Variants in MMEL1 observed in about 807,000 individuals in gnomAD.
MMEL1 encodes the protein membrane metalloendopeptidase like 1, also known as membrane metallo-endopeptidase-like 1.
Under a neutral mutation model 117.1 loss-of-function variants are expected in MMEL1, and 98 were observed. The observed-to-expected ratio is 0.84, with a 90% CI of 0.71 to 0.99. The LOEUF (loss-of-function observed/expected upper bound fraction) is 0.99, where lower values mean the gene tolerates loss of function less well. MMEL1 is among the 50% of genes least tolerant of loss of function. The probability of loss-of-function intolerance (pLI) is 0.00; values close to 1 mark genes in which losing one functional copy is unlikely to be tolerated. For synonymous variants in MMEL1, 390 were observed against 415.1 expected (o/e 0.94, Z 0.74); for missense variants, 1,014 against 1,049.1 (o/e 0.97, Z 0.46).
chr1:2,591,164 TA>T, intron 23 of MMEL1, 75 bp from the exon 24 acceptor site: 1 of 1,068,242 alleles, frequency 9.4e-7, no homozygotes, highest in Non-Finnish European at 1.3e-6. Flanking sequence ...TCTCCGTGAT[TA>T]AAAACCAGCC....
At chr1:2,620,221 T>G (rs10797441) in intron 2 of MMEL1, among the ~76,000 whole-genome samples, 59,715 of 151,960 alleles carry the variant, frequency 0.39, 12,384 homozygotes, top group East Asian at 0.51. Context: ...CTGACTGTAC[T>G]TTTCTCTGAA....
At chr1:2,617,629 C>T (rs1284631001) in intron 2 of MMEL1, among the ~76,000 whole-genome samples, 1 of 152,132 alleles carries the variant, frequency 6.6e-6, no homozygotes, top group African/African-American at 2.4e-5. Context: ...GGTTCCTCAT[C>T]TCTACTTTTC....
intron 2 of MMEL1, among the ~76,000 whole-genome samples, chr1:2,626,615 A>G (rs1638297021): frequency 6.6e-6 from 1 of 152,286 alleles, no homozygotes; most frequent in Non-Finnish European, 1.5e-5. Context: ...CAACCCCTGT[A>G]CTAGAAAATG....
intron 9 of MMEL1, 109 bp downstream of exon 9, chr1:2,605,445 GCTCA>G: frequency 4.5e-6 from 4 of 890,928 alleles, no homozygotes; most frequent in African/African-American, 3.3e-5. Context: ...CTCCACAGGT[GCTCA>G]CTAACACCAG....
At chr1:2,609,960 A>G in intron 4 of MMEL1, 129 bp from the exon 5 acceptor site, 1 of 1,022,806 alleles carries the variant, frequency 9.8e-7, no homozygotes, top group East Asian at 2.5e-5. Flanking sequence ...ATCCAGTCGC[A>G]GCTGTGTGCC....
At chr1:2,615,640 T>C (rs1025217920) in intron 2 of MMEL1, among the ~76,000 whole-genome samples, 4 of 152,288 alleles carry the variant, frequency 2.6e-5, no homozygotes, top group African/African-American at 9.6e-5. Context: ...GTTCACTACT[T>C]GTGGCAAATG....
intron 14 of MMEL1, 146 bp downstream of exon 14, chr1:2,596,414 TG>T: frequency 1.7e-6 from 2 of 1,165,450 alleles, no homozygotes; most frequent in Non-Finnish European, 2.4e-6. Flanking sequence ...GGGCATGGGG[TG>T]GGCACGGCTT....
chr1:2,606,464 G>T lies in MMEL1; in HGVS notation c.632-98C>A, dbSNP rs903485317. ...TGGCCTCCGGAGCCAGGAACTAGGG[G>T]GCCATAGGGTGGGGAGCTCACCTGT... On this transcript the variant is annotated intron_variant, in intron 7 of 23. Transcript: ENST00000378412. 23 of 864,538 alleles carry T rather than the reference G, an allele frequency of 2.7e-5. No individual in the cohort carries two copies. The African/African-American group carries it at 3.3e-4, about 13-fold the overall frequency. The allele number at this position is 864,538 out of a possible 1,614,324, so 53.6% of individuals were successfully genotyped here.
rs1553146167 is a variant in MMEL1 at position 2,624,572 on chromosome 1, T to C, written c.154+4759A>G. On this transcript the variant is annotated intron_variant, in intron 2 of 23. Transcript: ENST00000378412. ...ACTATTCATGAGGCTCCTGATTTTATGTTTTGACAAATATTGGAGTCTGCA... is the reference window on the plus strand; with the variant it reads ...ACTATTCATGAGGCTCCTGATTTTACGTTTTGACAAATATTGGAGTCTGCA... Among the ~76,000 whole-genome samples, 340 of 152,368 alleles carry C rather than the reference T, an allele frequency of 2.2e-3. 2 individuals are homozygous for C. Among genetic ancestry groups the C allele is most frequent in the African/African-American group, 7.8e-3 (324 of 41,580 alleles).
intron 19 of MMEL1, 106 bp downstream of exon 19, chr1:2,593,708 C>T: frequency 7.1e-7 from 1 of 1,405,080 alleles, no homozygotes; most frequent in East Asian, 2.6e-5. Flanking sequence ...CCTCGGTGTC[C>T]CCACTGAAAC....
At chr1:2,613,937 C>A (rs1302643117) in intron 2 of MMEL1, among the ~76,000 whole-genome samples, 1 of 152,098 alleles carries the variant, frequency 6.6e-6, no homozygotes, top group East Asian at 1.9e-4. Context: ...TCTGGAAAAA[C>A]AAAACTTTAG....
At chr1:2,602,768 A>C (rs1287876436) in intron 11 of MMEL1, among the ~76,000 whole-genome samples, 1 of 152,116 alleles carries the variant, frequency 6.6e-6, no homozygotes, top group Admixed American at 6.5e-5. Flanking sequence ...TCCCTGCCCC[A>C]GACTCTTGGG....
intron 2 of MMEL1, among the ~76,000 whole-genome samples, chr1:2,618,153 G>A (rs1645233629): frequency 6.6e-6 from 1 of 152,196 alleles, no homozygotes; most frequent in Non-Finnish European, 1.5e-5. Context: ...GATACCCAAT[G>A]TTGGGGGTGG....
At position 2,595,698 on chromosome 1, in the gene MMEL1, T is replaced by G. The variant is rs1644824992; in HGVS notation, c.1500+311A>C. Among the ~76,000 whole-genome samples, 1 of 152,114 alleles carries G rather than the reference T, an allele frequency of 6.6e-6. No individual in the cohort carries two copies. Among genetic ancestry groups the G allele is most frequent in the East Asian group, 1.9e-4 (1 of 5,158 alleles). ...AGGAGCTTCTGGTGGGTCTGACCCTTGCTCCCGAGGCCACCGCTACCCCCG... is the reference window on the plus strand; with the variant it reads ...AGGAGCTTCTGGTGGGTCTGACCCTGGCTCCCGAGGCCACCGCTACCCCCG... On this transcript the variant is annotated intron_variant, in intron 15 of 23. Coordinates refer to ENST00000378412, the MANE Select transcript of MMEL1 (RefSeq NM_033467.4). The surrounding 1 kb of genome is among the most constrained non-coding windows in gnomAD (Gnocchi z 4.8).
intron 18 of MMEL1, 104 bp downstream of exon 18, chr1:2,594,281 G>A: frequency 8.1e-7 from 1 of 1,236,984 alleles, no homozygotes; most frequent in Non-Finnish European, 1.2e-6. Flanking sequence ...TCCAAGAACA[G>A]GCTGGGGTGC....
rs754642673 is a variant in MMEL1, at chr1:2,603,944, G to A, written c.981C>T (p.Asp327=). Residue 327 remains aspartate, a synonymous_variant, in exon 11 of 24, where the codon GAC becomes GAT. Coordinates refer to ENST00000378412, the MANE Select transcript of MMEL1 (RefSeq NM_033467.4). ...KATVPQEERH[D]VIALYHRMGL... ...CCATCCGGTGGTACAAGGCGATGAC[G>A]TCGTGTCTCTCCTCCTGGGGTACCG... The A allele has an allele frequency of 4.6e-5, 74 of 1,613,778 alleles. No homozygotes were observed. The East Asian group carries it at 7.1e-4, about 16-fold the overall frequency.
In MMEL1 at chr1:2,594,834, G is replaced by C; in HGVS notation, c.1644C>G (p.Ala548=). ...CCCGAAGCTTCCTGAGGCTCCGCTG[G>C]GCGCCCACCTTGAGGTTCTGCAGAC... is the stretch of plus-strand genomic sequence containing the variant. ...ENSLQNLKVG[A]QRSLRKLREK... is the part of the protein sequence containing the mutation. The change falls in exon 17 of 24, where the codon GCC becomes GCG. Residue 548 remains alanine (A), a synonymous_variant. Transcript: ENST00000378412. The C allele has an allele frequency of 6.2e-7, 1 of 1,614,000 alleles. No homozygotes were observed. Among genetic ancestry groups the C allele is most frequent in the South Asian group, 1.1e-5 (1 of 91,084 alleles).
intron 2 of MMEL1, among the ~76,000 whole-genome samples, chr1:2,616,403 A>G (rs1010928898): frequency 6.6e-6 from 1 of 152,074 alleles, no homozygotes; most frequent in African/African-American, 2.4e-5. Context: ...AACAACAGTA[A>G]GAATGACGGT....
Position 2,607,065 on chromosome 1 carries a change from C to G in MMEL1, c.540G>C (p.Val180=), listed in dbSNP as rs1336317119. The G allele has an allele frequency of 6.2e-7, 1 of 1,611,972 alleles. No homozygotes were observed. Among genetic ancestry groups the G allele is most frequent in the Non-Finnish European group, 8.5e-7 (1 of 1,179,168 alleles). ...TLYRSCMNQS[V]IEKRGSQPLL... Reference sequence around the variant, plus strand: ...GGGGCTGAGAGCCTCGCTTCTCTATCACACCTGAGAAGGGACGCAGTGGTC... The same window carrying G: ...GGGGCTGAGAGCCTCGCTTCTCTATGACACCTGAGAAGGGACGCAGTGGTC... Residue 180 remains valine, a synonymous_variant, in exon 7 of 24, where the codon GTG becomes GTC. Coordinates refer to ENST00000378412, the MANE Select transcript of MMEL1 (RefSeq NM_033467.4).
Sources: gnomAD v4.1 joint callset for allele counts (sites outside exome capture counted in the v4.1 genomes callset) on GRCh38, gnomAD v4.1.1 for gene constraint, Gnocchi (gnomAD v3.1) non-coding constraint, MANE v1.5 for transcripts, NCBI Gene and HGNC (gene_info 2026-07-23, HGNC 2026-07-21) for gene names.